PTPRN2: variants seen among roughly 807,000 people sequenced by gnomAD.
PTPRN2 encodes receptor-type tyrosine-protein phosphatase N2.
Under a neutral mutation model 118.8 loss-of-function variants are expected in PTPRN2, and 74 were observed. That is an observed-to-expected ratio of 0.62 (90% confidence interval 0.52 to 0.76). PTPRN2 has a LOEUF of 0.76. Among genes scored for constraint, PTPRN2 ranks in the 30% least tolerant of loss-of-function variants. The pLI, the probability that PTPRN2 is intolerant of heterozygous loss-of-function variation, is 0.00. For missense variants in PTPRN2, 1,481 were observed against 1,394.4 expected, an observed-to-expected ratio of 1.06 and a Z score of -0.99; for synonymous variants, 641 against 608.0, an observed-to-expected ratio of 1.05 and a Z score of -0.80.
intron 3 of PTPRN2, among the ~76,000 whole-genome samples, chr7:158,284,255 A>C (rs963048295): frequency 1.3e-5 from 2 of 152,194 alleles, no homozygotes; most frequent in Non-Finnish European, 2.9e-5. Context: ...GCTGGTGGGC[A>C]CTGGGCACTG....
chr7:157,811,728 G>A (rs561209786), intron 12 of PTPRN2, among the ~76,000 whole-genome samples: 5 of 152,238 alleles, frequency 3.3e-5, no homozygotes, highest in East Asian at 1.9e-4. Flanking sequence ...GAGACTCCAC[G>A]CAGTGGCTTC....
intron 10 of PTPRN2, among the ~76,000 whole-genome samples, chr7:158,089,122 G>A (rs371992625): frequency 1.8e-4 from 2 of 11,030 alleles, no homozygotes; most frequent in Admixed American, 8.0e-4. Flanking sequence ...CTGATGAAAG[G>A]GGGAGTCTTC....
At chr7:157,758,578 G>A (rs574545946) in intron 12 of PTPRN2, among the ~76,000 whole-genome samples, 3 of 152,340 alleles carry the variant, frequency 2.0e-5, no homozygotes, top group East Asian at 1.9e-4. Context: ...TGGGAAGGCT[G>A]CGTGCGCGGG....
At chr7:157,971,113 T>C (rs1378578447) in intron 11 of PTPRN2, among the ~76,000 whole-genome samples, 1 of 152,196 alleles carries the variant, frequency 6.6e-6, no homozygotes, top group Non-Finnish European at 1.5e-5. Context: ...GTTTTCTCCA[T>C]GAGTTCTTCA....
intron 3 of PTPRN2, among the ~76,000 whole-genome samples, chr7:158,262,738 A>C (rs1005156784): frequency 2.7e-5 from 4 of 148,456 alleles, no homozygotes. Context: ...ATACATTCAC[A>C]CACTGCACAT....
chr7:157,634,653 C>T (rs559450923), intron 14 of PTPRN2, among the ~76,000 whole-genome samples: 163 of 152,238 alleles, frequency 1.1e-3, no homozygotes, highest in African/African-American at 3.5e-3. Flanking sequence ...AGGGGCCGTA[C>T]GACCTCTTCC....
intron 2 of PTPRN2, among the ~76,000 whole-genome samples, chr7:158,374,007 A>T (rs867472842): frequency 1.3e-5 from 2 of 152,194 alleles, no homozygotes. Context: ...GGAAACGGGC[A>T]GAGTGTGATG....
chr7:158,270,762 A>ACCACCCCGTCCACCTGGG lies in PTPRN2; in HGVS notation c.277+46056_277+46057insCCCAGGTGGACGGGGTGG, dbSNP rs1798277902. On this transcript the variant is annotated intron_variant, in intron 3 of 22. Coordinates refer to ENST00000389418, the MANE Select transcript of PTPRN2 (RefSeq NM_002847.5). ...TACCTGAGCCGTCTTCTCCACCTGG[A>ACCACCCCGTCCACCTGGG]CCACCCCGTCCACCTGGACCACCCC... Among the ~76,000 whole-genome samples the ACCACCCCGTCCACCTGGG allele has an allele frequency of 1.4e-5, 2 of 140,902 alleles. 1 individual carries two copies. Among genetic ancestry groups the ACCACCCCGTCCACCTGGG allele is most frequent in the African/African-American group, 5.7e-5 (2 of 35,328 alleles). 92.4% of individuals were successfully genotyped at this position (140,902 alleles called of 152,430 possible). A position where few individuals can be genotyped will look rare whatever the true frequency, so the allele number is the denominator to read the frequency against.
intron 11 of PTPRN2, among the ~76,000 whole-genome samples, chr7:157,920,661 G>C (rs1346824525): frequency 6.6e-6 from 1 of 152,202 alleles, no homozygotes; most frequent in Non-Finnish European, 1.5e-5. Context: ...AAAGCAGCAA[G>C]GGAACTCAAT....
chr7:158,203,016 G>A (rs981038468), intron 4 of PTPRN2, among the ~76,000 whole-genome samples: 2 of 152,022 alleles, frequency 1.3e-5, no homozygotes, highest in African/African-American at 4.8e-5. Flanking sequence ...GGCGGATCAT[G>A]AGGTCAGGAG....
intron 5 of PTPRN2, among the ~76,000 whole-genome samples, chr7:158,170,745 T>G (rs1389994018): frequency 1.3e-5 from 2 of 152,216 alleles, no homozygotes; most frequent in African/African-American, 2.4e-5. Context: ...ATTCTCACGC[T>G]GACTGGCTCT....
At chr7:158,005,789 G>A (rs1398057545) in intron 11 of PTPRN2, among the ~76,000 whole-genome samples, 2 of 152,208 alleles carry the variant, frequency 1.3e-5, no homozygotes, top group African/African-American at 2.4e-5. Flanking sequence ...ATGTCCTCAT[G>A]CACGCTGAGG....
At chr7:158,094,050 C>T (rs1029397578) in intron 10 of PTPRN2, among the ~76,000 whole-genome samples, 80 of 152,168 alleles carry the variant, frequency 5.3e-4, no homozygotes, top group African/African-American at 1.9e-3. Flanking sequence ...AATGTCTTGC[C>T]GCTTACTTTT....
At chr7:158,161,493 G>A (rs967777061) in intron 6 of PTPRN2, among the ~76,000 whole-genome samples, 9 of 152,144 alleles carry the variant, frequency 5.9e-5, no homozygotes, top group Admixed American at 1.3e-4. Context: ...AGAAAGGATC[G>A]CCTCTTAACA....
intron 22 of PTPRN2, among the ~76,000 whole-genome samples, chr7:157,546,468 C>T (rs557374853): frequency 3.9e-4 from 59 of 152,310 alleles, no homozygotes; most frequent in Non-Finnish European, 6.2e-4. Context: ...GTGCTATTCC[C>T]CTCCCAGTGT....
intron 12 of PTPRN2, among the ~76,000 whole-genome samples, chr7:157,738,460 C>CCT (rs1353846347): frequency 6.6e-6 from 1 of 152,170 alleles, no homozygotes; most frequent in East Asian, 1.9e-4. Context: ...TCTGGAGGCT[C>CCT]CTCTCTGATG....
At chr7:158,568,139 G>C (rs915196164) in intron 1 of PTPRN2, among the ~76,000 whole-genome samples, 4 of 152,140 alleles carry the variant, frequency 2.6e-5, no homozygotes, top group Admixed American at 2.6e-4. Context: ...TGTAGTTCCA[G>C]CTACTTGGGA....
intron 11 of PTPRN2, among the ~76,000 whole-genome samples, chr7:157,902,114 G>C (rs1463175974): frequency 6.6e-6 from 1 of 152,252 alleles, no homozygotes; most frequent in African/African-American, 2.4e-5. Flanking sequence ...TGGCAGTGCA[G>C]CAAGGTGCAT....
intron 17 of PTPRN2, among the ~76,000 whole-genome samples, chr7:157,586,062 G>GA (rs1371668107): frequency 6.6e-6 from 1 of 152,114 alleles, no homozygotes; most frequent in Non-Finnish European, 1.5e-5. Flanking sequence ...TTTATGAATA[G>GA]AAAAAAATCC....
Sources: allele counts gnomAD v4.1 joint callset (sites outside exome capture counted in the v4.1 genomes callset), GRCh38; gene constraint gnomAD v4.1.1; transcripts MANE v1.5; gene names NCBI Gene and HGNC (gene_info 2026-07-23, HGNC 2026-07-21).